PSAP: variants seen among roughly 807,000 people sequenced by gnomAD.
The protein encoded by PSAP is prosaposin, also known as precursor of saposins.
In PSAP, 25 loss-of-function variants were observed where a neutral mutation model predicts 66.0. That is an observed-to-expected ratio of 0.38 (90% confidence interval 0.28 to 0.53). PSAP has a LOEUF of 0.53. Among genes scored for constraint, PSAP ranks in the 20% least tolerant of loss-of-function variants. The pLI is 0.83. For synonymous variants in PSAP, 273 were observed against 258.9 expected, an observed-to-expected ratio of 1.05 and a Z score of -0.52; for missense variants, 649 against 668.8, an observed-to-expected ratio of 0.97 and a Z score of 0.33.
chr10:71,818,817 C>G (rs772725657), intron 12 of PSAP, 93 bp from the exon 13 acceptor site: 4 of 1,187,250 alleles, frequency 3.4e-6, no homozygotes, highest in East Asian at 2.3e-5. Flanking sequence ...CCAGAAGGAG[C>G]TAGGATCACA....
intron 1 of PSAP, among the ~76,000 whole-genome samples, chr10:71,849,087 A>G (rs111478512): frequency 2.0e-5 from 3 of 152,258 alleles, no homozygotes; most frequent in African/African-American, 7.2e-5. Context: ...AACGTCAACA[A>G]GAACAATGGA....
intron 12 of PSAP, 85 bp downstream of exon 12, chr10:71,818,946 C>G (rs1842234051): frequency 3.1e-6 from 4 of 1,310,584 alleles, no homozygotes; most frequent in Middle Eastern, 1.9e-4. Context: ...ACCCCACGGC[C>G]AAGTCTCAGA....
intron 11 of PSAP, 104 bp downstream of exon 11, chr10:71,819,361 C>T (rs1333312324): frequency 6.6e-7 from 1 of 1,521,182 alleles, no homozygotes; most frequent in Non-Finnish European, 9.0e-7. Context: ...GACTCCATGC[C>T]CGGAGGCAGA....
At chr10:71,833,687 G>A (rs1421548263) in intron 2 of PSAP, among the ~76,000 whole-genome samples, 2 of 152,204 alleles carry the variant, frequency 1.3e-5, no homozygotes, top group African/African-American at 2.4e-5. Flanking sequence ...GAGCTGGCAT[G>A]GTCAGCAGAG....
intron 1 of PSAP, among the ~76,000 whole-genome samples, chr10:71,836,240 CAT>C (rs903912714): frequency 2.6e-5 from 4 of 152,194 alleles, no homozygotes; most frequent in African/African-American, 4.8e-5. Context: ...CAGGGGAAAA[CAT>C]GTGCCAGATG....
intron 1 of PSAP, among the ~76,000 whole-genome samples, chr10:71,844,090 T>C (rs1409707034): frequency 6.6e-6 from 1 of 152,256 alleles, no homozygotes; most frequent in African/African-American, 2.4e-5. Flanking sequence ...TAAGTCATTT[T>C]ACTCCTATCA....
At chr10:71,835,555 C>T (rs550907133) in intron 1 of PSAP, among the ~76,000 whole-genome samples, 2 of 152,084 alleles carry the variant, frequency 1.3e-5, no homozygotes, top group Admixed American at 1.3e-4. Context: ...GGTGAGCTAC[C>T]ATACCTAGCC....
At chr10:71,829,725 G>A (rs532737922) in intron 4 of PSAP, among the ~76,000 whole-genome samples, 135 of 152,210 alleles carry the variant, frequency 8.9e-4, no homozygotes, top group African/African-American at 3.0e-3. Context: ...GAGGCCAGGC[G>A]CAGTGGCTCA....
chr10:71,828,864 C>T lies in PSAP; in HGVS notation c.576+13G>A. On this transcript the variant is annotated intron_variant, in intron 5 of 13. Coordinates refer to ENST00000394936, the MANE Select transcript of PSAP (RefSeq NM_002778.4). ...CCAAAAATGGGTCCTCAGTGGCCAG[C>T]CCGTTGTCTTACCTTTGGCTGGGGC... 6.2e-7 allele frequency: 1 copy of T among 1,613,678 alleles called. No homozygotes were observed. The highest frequency in any genetic ancestry group is 8.5e-7 in the Non-Finnish European group (1 of 1,179,954).
intron 1 of PSAP, 75 bp from the exon 2 acceptor site, chr10:71,834,580 C>T: frequency 1.3e-6 from 2 of 1,563,490 alleles, no homozygotes; most frequent in Non-Finnish European, 1.7e-6. Context: ...TTCCCCAGGG[C>T]TGAGGGCGAC....
At chr10:71,832,908 T>C (rs1357228086) in intron 2 of PSAP, among the ~76,000 whole-genome samples, 2 of 151,268 alleles carry the variant, frequency 1.3e-5, no homozygotes, top group Admixed American at 1.3e-4. Context: ...TCCCAGCTAC[T>C]TGGCAGGCTG....
intron 1 of PSAP, among the ~76,000 whole-genome samples, chr10:71,843,413 C>G (rs1211171844): frequency 6.6e-6 from 1 of 151,578 alleles, no homozygotes; most frequent in East Asian, 1.9e-4. Flanking sequence ...GGTATCAATG[C>G]CTGAAAAAGA....
intron 6 of PSAP, 97 bp from the exon 7 acceptor site, chr10:71,825,990 G>C (rs2133040696): frequency 9.7e-7 from 1 of 1,027,076 alleles, no homozygotes. Flanking sequence ...AGTGTCAACT[G>C]GTGACTATCA....
intron 2 of PSAP, among the ~76,000 whole-genome samples, chr10:71,832,806 A>T (rs1842545314): frequency 6.6e-6 from 1 of 151,938 alleles, no homozygotes; most frequent in Non-Finnish European, 1.5e-5. Flanking sequence ...TCACGAGGTC[A>T]GGAGTTCGAG....
Position 71,818,940 on chromosome 10 carries a change from C to G in PSAP, c.1431+91G>C, listed in dbSNP as rs936319098. 1.9e-5 allele frequency: 24 copies of G among 1,262,786 alleles called. No homozygotes were observed. The East Asian group carries it at 4.9e-4, about 26-fold the overall frequency. 78.2% of individuals were successfully genotyped at this position (1,262,786 alleles called of 1,614,324 possible). ...GCAGCAGAACCCAGAGACTCCACCC[C>G]ACGGCCAAGTCTCAGAGCAACCCTT... On this transcript the variant is annotated intron_variant, in intron 12 of 13. Coordinates refer to ENST00000394936, the MANE Select transcript of PSAP (RefSeq NM_002778.4).
Position 71,843,548 on chromosome 10 carries a change from T to C in PSAP, c.40+7634A>G, listed in dbSNP as rs117974984. Among the ~76,000 whole-genome samples the C allele has an allele frequency of 6.8e-4, 103 of 152,330 alleles. 2 individuals are homozygous for C. In the East Asian group the frequency reaches 0.018, roughly 27 times the overall value. ...ATCTTAGTCATGACGTTTCCACTCA[T>C]GTAAATAATTTTTTAAAGGCAGTAT... On this transcript the variant is annotated intron_variant, in intron 1 of 13. Transcript: ENST00000394936.
At position 71,816,568 on chromosome 10, in the gene PSAP, G is replaced by A. The variant is rs557457551; in HGVS notation, c.*873C>T. 4 of 440,276 alleles carry A rather than the reference G, an allele frequency of 9.1e-6. No homozygotes were observed. The highest frequency in any genetic ancestry group is 7.6e-5 in the Admixed American group (3 of 39,476). 27.3% of individuals were successfully genotyped at this position (440,276 alleles called of 1,614,324 possible). A position where few individuals can be genotyped will look rare whatever the true frequency, so the allele number is the denominator to read the frequency against. ...AGGAGCTCGCCATCCATATTTATTT[G>A]AAAAGGTCAAAAGGAGCATCTATGA... is the stretch of plus-strand genomic sequence containing the variant. On this transcript the variant is annotated 3_prime_UTR_variant, in exon 14 of 14. Transcript: ENST00000394936.
intron 1 of PSAP, among the ~76,000 whole-genome samples, chr10:71,834,985 C>T (rs1441856084): frequency 6.6e-6 from 1 of 151,674 alleles, no homozygotes; most frequent in African/African-American, 2.4e-5. Context: ...GCCTATAATC[C>T]CAGCACTTTG....
At chr10:71,819,959 A>C in intron 9 of PSAP, 59 bp from the exon 10 acceptor site, 1 of 1,430,408 alleles carries the variant, frequency 7.0e-7, no homozygotes, top group African/African-American at 1.4e-5. Flanking sequence ...GTTGGGGGAC[A>C]TTCTGAAAAT....
Sources: allele counts gnomAD v4.1 joint callset (sites outside exome capture counted in the v4.1 genomes callset), GRCh38; gene constraint gnomAD v4.1.1; transcripts MANE v1.5; gene names NCBI Gene and HGNC (gene_info 2026-07-23, HGNC 2026-07-21).